The following PCM1 variants were observed in gnomAD, a reference collection of about 807,000 sequenced individuals.
The protein encoded by PCM1 is pericentriolar material 1, also known as pericentriolar material 1 protein.
In PCM1, 157 loss-of-function variants were observed where a neutral mutation model predicts 241.9. The ratio of observed to expected loss-of-function variants is 0.65; its 90% CI spans 0.57 to 0.74. The LOEUF is 0.74. Ranked by LOEUF, PCM1 falls within the 30% of genes least tolerant of loss-of-function variation. The probability of loss-of-function intolerance (pLI) is 0.00; values close to 1 mark genes in which losing one functional copy is unlikely to be tolerated. For missense variants in PCM1, 3,478 were observed against 2,360.1 expected (o/e 1.47, Z -9.81); for synonymous variants, 1,085 against 784.9 (o/e 1.38, Z -6.39).
In PCM1 at chr8:17,955,661, A is replaced by G. The variant is rs2067981235; in HGVS notation, c.1472+8A>G. On this transcript the variant is annotated splice_region_variant and intron_variant, in intron 10 of 38. Transcript: ENST00000325083. ...TCCATCTGAAAAACTCCAGTAAAACATTTATAATCATTGTTTACATGAAGT... is the reference window on the plus strand; with the variant it reads ...TCCATCTGAAAAACTCCAGTAAAACGTTTATAATCATTGTTTACATGAAGT... 1 of 1,597,722 alleles carries G rather than the reference A, an allele frequency of 6.3e-7. No homozygotes were observed.
intron 2 of PCM1, among the ~76,000 whole-genome samples, chr8:17,933,406 C>T (rs539287544): frequency 3.3e-5 from 5 of 152,020 alleles, no homozygotes; most frequent in East Asian, 1.9e-4. Context: ...CTTTTTTTTC[C>T]GATATGTTTA....
chr8:17,989,737 G>A, intron 26 of PCM1, 122 bp from the exon 27 acceptor site: 2 of 688,168 alleles, frequency 2.9e-6, no homozygotes, highest in Non-Finnish European at 4.6e-6. Context: ...AGAATACTGA[G>A]GAAACTTATG....
chr8:17,940,014 T>C, intron 6 of PCM1, 153 bp downstream of exon 6: 1 of 1,416,038 alleles, frequency 7.1e-7, no homozygotes, highest in South Asian at 1.2e-5. Context: ...TTAATAGTTG[T>C]ATGATTTATA....
chr8:17,950,466 T>C (rs564204094), intron 7 of PCM1, 149 bp from the exon 8 acceptor site: 2 of 577,188 alleles, frequency 3.5e-6, no homozygotes, highest in African/African-American at 1.9e-5. Context: ...ATAAAATGAT[T>C]GTTGGCAGAT....
intron 26 of PCM1, among the ~76,000 whole-genome samples, chr8:17,986,918 A>C (rs535182486): frequency 6.6e-6 from 1 of 151,938 alleles, no homozygotes; most frequent in Admixed American, 6.6e-5. Context: ...TTGAAGTGTT[A>C]ATACTAAGTT....
intron 2 of PCM1, 64 bp from the exon 3 acceptor site, chr8:17,935,525 A>T: frequency 1.6e-6 from 1 of 640,196 alleles, no homozygotes; most frequent in Middle Eastern, 2.5e-4. Context: ...AACTTCATGG[A>T]ATGATTTGAA....
At chr8:18,003,253 T>C (rs1426839786) in intron 29 of PCM1, among the ~76,000 whole-genome samples, 3 of 152,316 alleles carry the variant, frequency 2.0e-5, no homozygotes, top group East Asian at 3.9e-4. Flanking sequence ...AATTAATAAA[T>C]GACTGGAATC....
Position 17,957,540 on chromosome 8 carries a change from A to G in PCM1, c.1805A>G (p.Asp602Gly), listed in dbSNP as rs1158234740. Residue 602 changes from aspartate to glycine, a missense_variant and splice_region_variant, in exon 13 of 39, where the codon GAT (aspartate) becomes GGT (glycine). Asp to Gly is a moderately conservative substitution (Grantham distance 94). Transcript: ENST00000325083. ...IRALNMPPSL[D>G]CRYNREGEQE... ...TTTTAATTATACATGTTTTCAGCAG[A>G]TTGTCGATATAATAGAGAAGGGGAA... is the stretch of plus-strand genomic sequence containing the variant. 2 of 1,588,756 alleles carry G rather than the reference A, an allele frequency of 1.3e-6. No homozygotes were observed. Among genetic ancestry groups the G allele is most frequent in the Admixed American group, 1.8e-5 (1 of 55,066 alleles).
chr8:17,931,212 C>G (rs929017630), intron 2 of PCM1, among the ~76,000 whole-genome samples: 1 of 151,942 alleles, frequency 6.6e-6, no homozygotes, highest in African/African-American at 2.4e-5. Context: ...AGAAATAGGT[C>G]TTTGGAACAA....
At position 17,964,720 on chromosome 8, in the gene PCM1, C is replaced by G. The variant is rs765246571; in HGVS notation, c.2807C>G (p.Ser936Cys). 2.2e-5 allele frequency: 36 copies of G among 1,613,842 alleles called. No homozygotes were observed. Among genetic ancestry groups the G allele is most frequent in the Non-Finnish European group, 3.0e-5 (35 of 1,179,762 alleles). ...AATGATAACTTTTCTGTGTGTCCTT[C>G]TAACAGTGTGAATCATAACTCCTAC... ...SSNDNFSVCP[S>C]NSVNHNSYNG... Residue 936 changes from serine to cysteine, a missense_variant, in exon 18 of 39, where the codon TCT becomes TGT. Transcript: ENST00000325083.
Position 17,960,027 on chromosome 8 carries a change from C to T in PCM1, c.2054C>T (p.Ala685Val), listed in dbSNP as rs772145803. ...ATGCTCTTTCAGGATGATGATGCAG[C>T]TCAAGGAGTTATCTCTGCCAGTGCA... ...LVAMVQDDDAAQGVISASASN... is the reference protein window; with the variant it reads ...LVAMVQDDDAVQGVISASASN... The change falls in exon 14 of 39, where the codon GCT becomes GTT. Residue 685 changes from alanine (A) to valine (V), a missense_variant. Transcript: ENST00000325083. 6.2e-7 allele frequency: 1 copy of T among 1,612,540 alleles called. No individual in the cohort carries two copies. Among genetic ancestry groups the T allele is most frequent in the South Asian group, 1.1e-5 (1 of 90,748 alleles).
At chr8:17,999,965 A>G (rs2088669167) in intron 29 of PCM1, among the ~76,000 whole-genome samples, 1 of 152,188 alleles carries the variant, frequency 6.6e-6, no homozygotes, top group African/African-American at 2.4e-5. Flanking sequence ...CTAGAGTGGG[A>G]ATACACTCTG....
intron 4 of PCM1, 128 bp downstream of exon 4, chr8:17,937,507 G>A: frequency 1.3e-6 from 1 of 786,606 alleles, no homozygotes; most frequent in Non-Finnish European, 1.9e-6. Context: ...CTGTGCCTAT[G>A]GAAAGAATTT....
intron 7 of PCM1, among the ~76,000 whole-genome samples, chr8:17,949,601 G>A (rs1190401968): frequency 1.3e-5 from 2 of 151,126 alleles, no homozygotes; most frequent in African/African-American, 2.4e-5. Flanking sequence ...AGGTTCAAGT[G>A]ATTCTCTCAC....
At chr8:17,967,463 C>T (rs1314073123) in intron 21 of PCM1, among the ~76,000 whole-genome samples, 1 of 152,048 alleles carries the variant, frequency 6.6e-6, no homozygotes, top group Non-Finnish European at 1.5e-5. Context: ...CATGTGCCAC[C>T]GTGCCCAGCT....
chr8:17,940,644 G>A (rs2061737590), intron 6 of PCM1, among the ~76,000 whole-genome samples: 1 of 152,146 alleles, frequency 6.6e-6, no homozygotes, highest in African/African-American at 2.4e-5. Flanking sequence ...GAAAAATCGA[G>A]AGAAAGACTA....
intron 38 of PCM1, among the ~76,000 whole-genome samples, chr8:18,027,422 C>T (rs1052234640): frequency 1.3e-5 from 2 of 152,294 alleles, no homozygotes; most frequent in East Asian, 3.9e-4. Flanking sequence ...TTTAGAGAGA[C>T]ACGAAGTATC....
chr8:17,980,980 A>C (rs2080539869), intron 24 of PCM1, among the ~76,000 whole-genome samples: 1 of 152,228 alleles, frequency 6.6e-6, no homozygotes, highest in Non-Finnish European at 1.5e-5. Flanking sequence ...AAAATTCTAA[A>C]CAAAGGATAG....
chr8:18,021,116 C>G (rs1160828572), intron 36 of PCM1, among the ~76,000 whole-genome samples: 1 of 152,196 alleles, frequency 6.6e-6, no homozygotes, highest in African/African-American at 2.4e-5. Context: ...ATGCTGTGCA[C>G]TTGAGTTGAA....
Sources: allele counts gnomAD v4.1 joint callset (sites outside exome capture counted in the v4.1 genomes callset), GRCh38; gene constraint gnomAD v4.1.1; transcripts MANE v1.5; gene names NCBI Gene and HGNC (gene_info 2026-07-23, HGNC 2026-07-21).